Variants in AQP3 observed in about 807,000 individuals in gnomAD.
The protein encoded by AQP3 is aquaporin-3.
In AQP3, 15 loss-of-function variants were observed where a neutral mutation model predicts 30.3. The observed-to-expected ratio is 0.49, with a 90% CI of 0.33 to 0.76. The LOEUF is 0.76. AQP3 is among the 30% of genes least tolerant of loss of function. AQP3 has a pLI of 0.02. For missense variants in AQP3, 272 were observed against 384.8 expected, an observed-to-expected ratio of 0.71 and a Z score of 2.45; for synonymous variants, 153 against 163.2, an observed-to-expected ratio of 0.94 and a Z score of 0.47.
In AQP3 at chr9:33,442,093, C is replaced by A; in HGVS notation, c.829G>T (p.Glu277Ter). 1 of 1,613,904 alleles carries A rather than the reference C, an allele frequency of 6.2e-7. No individual in the cohort carries two copies. The highest frequency in any genetic ancestry group is 8.5e-7 in the Non-Finnish European group (1 of 1,180,022). ...TGGGCCAGCTTCACATTCTCTTCCT[C>A]GTTGGAGGGTGGGGGCTGCTCCAGG... ...CHLEQPPPSN[E>*]EENVKLAHVK... The change falls in exon 6 of 6, where the codon GAG (glutamate) becomes TAG (stop). Residue 277 changes from glutamate to a stop codon, truncating the protein, a stop_gained. Transcript: ENST00000297991. LOFTEE classifies it high-confidence loss of function.
Position 33,443,753 on chromosome 9 carries a change from GT to G in AQP3, c.235+12del, listed in dbSNP as rs757000648. 24 of 1,613,812 alleles carry G rather than the reference GT, an allele frequency of 1.5e-5. No individual in the cohort carries two copies. The Admixed American group carries it at 3.0e-4, about 20-fold the overall frequency. On this transcript the variant is annotated intron_variant, in intron 2 of 5. Coordinates refer to ENST00000297991, the MANE Select transcript of AQP3 (RefSeq NM_004925.5). This position sits in a 1 kb window ranked among gnomAD's most constrained non-coding sequence, Gnocchi z 5.0. Reference sequence around the variant, plus strand: ...TTGAGGGCCAAGGGCTGGGGGCAGGGTTAAGGCCTTACCAGAGACCTGGCCA... The same window carrying G: ...TTGAGGGCCAAGGGCTGGGGGCAGGGTAAGGCCTTACCAGAGACCTGGCCA...
chr9:33,443,624 T>TA lies in AQP3; in HGVS notation c.235+141dup, dbSNP rs750516470. Reference sequence around the variant, plus strand: ...ATTCCAAGGTGAGAGTCGAAAGTTCTAAGTGTCAAGTTTCTTCTCCACCCT... The same window carrying TA: ...ATTCCAAGGTGAGAGTCGAAAGTTCTAAAGTGTCAAGTTTCTTCTCCACCCT... On this transcript the variant is annotated intron_variant, in intron 2 of 5. Transcript: ENST00000297991. The surrounding 1 kb of genome is among the most constrained non-coding windows in gnomAD (Gnocchi z 5.0). 23 of 1,486,300 alleles carry TA rather than the reference T, an allele frequency of 1.5e-5. No homozygotes were observed. Among genetic ancestry groups the TA allele is most frequent in the Non-Finnish European group, 2.0e-5 (22 of 1,084,298 alleles). 92.1% of individuals were successfully genotyped at this position (1,486,300 alleles called of 1,614,324 possible).
Position 33,441,711 on chromosome 9 carries a change from C to CACA in AQP3, c.*331_*332insTGT, listed in dbSNP as rs142614497. 90 of 418,442 alleles carry CACA rather than the reference C, an allele frequency of 2.2e-4. No homozygotes were observed. Among genetic ancestry groups the CACA allele is most frequent in the African/African-American group, 1.5e-3 (73 of 49,132 alleles). 25.9% of individuals were successfully genotyped at this position (418,442 alleles called of 1,614,324 possible). ...TGCCCTGAATATCTGGGAACCCCCC[C>CACA]CACACACACACACCCCTGCACACAC... On this transcript the variant is annotated 3_prime_UTR_variant, in exon 6 of 6. Coordinates refer to ENST00000297991, the MANE Select transcript of AQP3 (RefSeq NM_004925.5).
At position 33,442,189 on chromosome 9, in the gene AQP3, C is replaced by T. The variant is rs1403174817; in HGVS notation, c.733G>A (p.Val245Met). ...CCCAGGAGTGGGGACACGATGGGCA[C>T]CCACCACCAATGCTGGCCGGTCCTG... ...VFTTGQHWWWVPIVSPLLGSI... is the reference protein window; with the variant it reads ...VFTTGQHWWWMPIVSPLLGSI... Residue 245 changes from valine (V) to methionine (M), a missense_variant, in exon 6 of 6, where the codon GTG becomes ATG. Val to Met is a conservative substitution (Grantham distance 21, BLOSUM62 1). This residue lies in a region of AQP3 where 170 missense variants were observed against 286.4 expected (regional missense o/e 0.59). Transcript: ENST00000297991. The T allele has an allele frequency of 2.5e-6, 4 of 1,612,804 alleles. No individual in the cohort carries two copies. Among genetic ancestry groups the T allele is most frequent in the South Asian group, 2.2e-5 (2 of 91,036 alleles).
chr9:33,442,269 G>T, intron 5 of AQP3, 32 bp downstream of exon 5: 1 of 1,610,856 alleles, frequency 6.2e-7, no homozygotes, highest in Non-Finnish European at 8.5e-7. Flanking sequence ...GGAGAGGCAG[G>T]CTGGGGTGAG....
intron 4 of AQP3, 129 bp from the exon 5 acceptor site, chr9:33,442,647 A>G (rs1183593736): frequency 3.5e-6 from 4 of 1,148,342 alleles, no homozygotes; most frequent in East Asian, 2.4e-5. Flanking sequence ...CCTGAAAGCA[A>G]TGGTGCTAGA....
Position 33,442,176 on chromosome 9 carries a change from G to A in AQP3, c.746C>T (p.Ser249Phe), listed in dbSNP as rs750992616. ...GQHWWWVPIV[S>F]PLLGSIAGVF... ...ACCCGCAATGGAGCCCAGGAGTGGG[G>A]ACACGATGGGCACCCACCACCAATG... The change falls in exon 6 of 6, where the codon TCC (serine) becomes TTC (phenylalanine). Residue 249 changes from serine to phenylalanine, a missense_variant. By Grantham distance (155) the Ser-to-Phe change is radical. This residue lies in a region of AQP3 where 170 missense variants were observed against 286.4 expected (regional missense o/e 0.59). Transcript: ENST00000297991. The A allele has an allele frequency of 1.2e-6, 2 of 1,613,102 alleles. No individual in the cohort carries two copies. Among genetic ancestry groups the A allele is most frequent in the Non-Finnish European group, 1.7e-6 (2 of 1,179,928 alleles).
chr9:33,441,712 C>A lies in AQP3; in HGVS notation c.*331G>T, dbSNP rs914151045. On this transcript the variant is annotated 3_prime_UTR_variant, in exon 6 of 6. Coordinates refer to ENST00000297991, the MANE Select transcript of AQP3 (RefSeq NM_004925.5). ...GCCCTGAATATCTGGGAACCCCCCC[C>A]ACACACACACACCCCTGCACACACA... The A allele has an allele frequency of 8.7e-6, 3 of 346,794 alleles. No individual in the cohort carries two copies. The highest frequency in any genetic ancestry group is 1.4e-5 in the Non-Finnish European group (3 of 213,436). 21.5% of individuals were successfully genotyped at this position (346,794 alleles called of 1,614,324 possible).
chr9:33,443,589 A>G lies in AQP3; in HGVS notation c.236-131T>C. 6.9e-7 allele frequency: 1 copy of G among 1,446,178 alleles called. No homozygotes were observed. Among genetic ancestry groups the G allele is most frequent in the East Asian group, 2.4e-5 (1 of 41,094 alleles). 89.6% of individuals were successfully genotyped at this position (1,446,178 alleles called of 1,614,324 possible). ...GTTGGTCTATGTAACAGGTCAGCTG[A>G]TAATCTCTGATTCCAAGGTGAGAGT... On this transcript the variant is annotated intron_variant, in intron 2 of 5. Transcript: ENST00000297991. This position sits in a 1 kb window ranked among gnomAD's most constrained non-coding sequence, Gnocchi z 5.0.
chr9:33,447,095 G>T (rs1030183976), intron 1 of AQP3, among the ~76,000 whole-genome samples: 3 of 152,250 alleles, frequency 2.0e-5, no homozygotes, highest in Non-Finnish European at 4.4e-5. Flanking sequence ...TGGGAGGCAG[G>T]GGAAGTGGCT....
rs1015187387 is a variant in AQP3 at position 33,443,167 on chromosome 9, C to T, written c.373+154G>A. 1.2e-5 allele frequency: 15 copies of T among 1,255,176 alleles called. No homozygotes were observed. Among genetic ancestry groups the T allele is most frequent in the East Asian group, 2.5e-5 (1 of 39,386 alleles). The allele number at this position is 1,255,176 out of a possible 1,614,324, so 77.8% of individuals were successfully genotyped here. A position where few individuals can be genotyped will look rare whatever the true frequency, so the allele number is the denominator to read the frequency against. On this transcript the variant is annotated intron_variant, in intron 3 of 5. Transcript: ENST00000297991. The surrounding 1 kb of genome is among the most constrained non-coding windows in gnomAD (Gnocchi z 5.0). ...ATTGCCCAACTTGTTTCTTTCCCTT[C>T]GTGCCCCCTACCTTGACCCTGTGCG...
rs908983145 is a variant in AQP3, at chr9:33,441,386, C to T, written c.*657G>A. ...CTTCATGCCTGCATTATGACAGAAA[C>T]ACGTCCCACTGCTCCTACTTATGTA... On this transcript the variant is annotated 3_prime_UTR_variant, in exon 6 of 6. Coordinates refer to ENST00000297991, the MANE Select transcript of AQP3 (RefSeq NM_004925.5). 6.5e-6 allele frequency: 1 copy of T among 153,568 alleles called. No homozygotes were observed. Among genetic ancestry groups the T allele is most frequent in the Non-Finnish European group, 1.5e-5 (1 of 68,422 alleles). 9.5% of individuals were successfully genotyped at this position (153,568 alleles called of 1,614,324 possible).
Position 33,446,020 on chromosome 9 carries a change from C to G in AQP3, c.108+1403G>C, listed in dbSNP as rs535603198. Among the ~76,000 whole-genome samples the G allele has an allele frequency of 3.2e-4, 48 of 152,308 alleles. No individual in the cohort carries two copies. The East Asian group carries it at 7.9e-3, about 25-fold the overall frequency. ...TCCTGGGGCTCAGTGGGAGGACTAA[C>G]GGCTCCTTTGTGAGAGAGTGAACTG... On this transcript the variant is annotated intron_variant, in intron 1 of 5. Coordinates refer to ENST00000297991, the MANE Select transcript of AQP3 (RefSeq NM_004925.5).
In AQP3 at chr9:33,442,583, C is replaced by A. The variant is rs1197062980; in HGVS notation, c.493-65G>T. Reference sequence around the variant, plus strand: ...CCTTTCTCTGACCCCTCCTTCCATCCCCCGTCTTCCCTCTAGCTCTTAAAC... The same window carrying A: ...CCTTTCTCTGACCCCTCCTTCCATCACCCGTCTTCCCTCTAGCTCTTAAAC... On this transcript the variant is annotated intron_variant, in intron 4 of 5. Transcript: ENST00000297991. The A allele has an allele frequency of 3.4e-6, 5 of 1,459,286 alleles. No homozygotes were observed. In the African/African-American group the frequency reaches 7.0e-5, roughly 20 times the overall value. The allele number at this position is 1,459,286 out of a possible 1,614,324, so 90.4% of individuals were successfully genotyped here. A position where few individuals can be genotyped will look rare whatever the true frequency, so the allele number is the denominator to read the frequency against.
Position 33,443,512 on chromosome 9 carries a change from C to G in AQP3, c.236-54G>C. 6.3e-7 allele frequency: 1 copy of G among 1,589,330 alleles called. No individual in the cohort carries two copies. The highest frequency in any genetic ancestry group is 8.6e-7 in the Non-Finnish European group (1 of 1,167,756). ...GCTGCAGCCTGCCACAGTCGGCAGGCTAGGGTCCCCTGAGAAGGGGTGCAG... is the reference window on the plus strand; with the variant it reads ...GCTGCAGCCTGCCACAGTCGGCAGGGTAGGGTCCCCTGAGAAGGGGTGCAG... On this transcript the variant is annotated intron_variant, in intron 2 of 5. Transcript: ENST00000297991. The surrounding 1 kb of genome is among the most constrained non-coding windows in gnomAD (Gnocchi z 5.0).
intron 5 of AQP3, 39 bp from the exon 6 acceptor site, chr9:33,442,250 C>A: frequency 6.2e-7 from 1 of 1,610,136 alleles, no homozygotes; most frequent in Non-Finnish European, 8.5e-7. Context: ...ACATGGGGGG[C>A]AGGGCAGAGG....
chr9:33,441,620 T>A lies in AQP3; in HGVS notation c.*423A>T. 1 of 341,982 alleles carries A rather than the reference T, an allele frequency of 2.9e-6. No individual in the cohort carries two copies. The allele number at this position is 341,982 out of a possible 1,614,324, so 21.2% of individuals were successfully genotyped here. On this transcript the variant is annotated 3_prime_UTR_variant, in exon 6 of 6. Transcript: ENST00000297991. ...GAACTTTCCTCTCCTTATGCACAGATGGACAGGCTGCCTTCCCCTGTCTCT... is the reference window on the plus strand; with the variant it reads ...GAACTTTCCTCTCCTTATGCACAGAAGGACAGGCTGCCTTCCCCTGTCTCT...
intron 1 of AQP3, among the ~76,000 whole-genome samples, chr9:33,445,531 C>T (rs746961781): frequency 1.3e-5 from 2 of 152,176 alleles, no homozygotes; most frequent in African/African-American, 2.4e-5. Flanking sequence ...GAGACAGGCA[C>T]GTGAGGGTCT....
chr9:33,442,691 C>T, intron 4 of AQP3, 161 bp downstream of exon 4: 1 of 1,063,054 alleles, frequency 9.4e-7, no homozygotes, highest in East Asian at 2.4e-5. Flanking sequence ...TGGAGAGCCG[C>T]ATGTTTTGTA....
Sources: gnomAD v4.1 joint callset for allele counts (sites outside exome capture counted in the v4.1 genomes callset) on GRCh38, gnomAD v4.1.1 for gene constraint, gnomAD v4.1.1 regional missense constraint, Gnocchi (gnomAD v3.1) non-coding constraint, MANE v1.5 for transcripts, NCBI Gene and HGNC (gene_info 2026-07-23, HGNC 2026-07-21) for gene names.